The following ZNF804A variants were observed in gnomAD, a reference collection of about 807,000 sequenced individuals.
ZNF804A encodes the protein zinc finger protein 804A.
ZNF804A carries 2 observed loss-of-function variants against 16.5 expected under a neutral mutation model. The observed-to-expected ratio is 0.12, with a 90% CI of 0.05 to 0.38. The LOEUF is 0.38. ZNF804A is among the 10% of genes least tolerant of loss of function. The pLI, the probability that ZNF804A is intolerant of heterozygous loss-of-function variation, is 0.99. For synonymous variants in ZNF804A, 534 were observed against 489.6 expected (o/e 1.09, Z -1.20); for missense variants, 1,473 against 1,390.7 (o/e 1.06, Z -0.94).
chr2:184,807,628 A>G (rs182875356), intron 1 of ZNF804A, among the ~76,000 whole-genome samples: 1 of 151,958 alleles, frequency 6.6e-6, no homozygotes, highest in East Asian at 1.9e-4. Flanking sequence ...AAGAAAGCAA[A>G]TTTGACCTTG....
chr2:184,929,158 T>C (rs1180940553), intron 2 of ZNF804A, among the ~76,000 whole-genome samples: 1 of 152,222 alleles, frequency 6.6e-6, no homozygotes. Flanking sequence ...CACAGTTATC[T>C]AAATCTGGAG....
intron 1 of ZNF804A, among the ~76,000 whole-genome samples, chr2:184,630,403 T>C (rs1691586847): frequency 6.6e-6 from 1 of 152,084 alleles, no homozygotes; most frequent in South Asian, 2.1e-4. Flanking sequence ...CTCAACTAAA[T>C]CCTTCCTCCG....
At chr2:184,709,094 A>T (rs1251979800) in intron 1 of ZNF804A, among the ~76,000 whole-genome samples, 1 of 152,142 alleles carries the variant, frequency 6.6e-6, no homozygotes, top group Non-Finnish European at 1.5e-5. Context: ...TTCTTGAGGA[A>T]TACATCACCA....
In ZNF804A at chr2:184,717,701, A is replaced by G. The variant is rs72901819; in HGVS notation, c.111+118631A>G. On this transcript the variant is annotated intron_variant, in intron 1 of 3. Coordinates refer to ENST00000302277, the MANE Select transcript of ZNF804A (RefSeq NM_194250.2). ...TATTTTATTTTTATTGAGACATAAT[A>G]TTTGTGCATGTTTATGGAGTACATG... Among the ~76,000 whole-genome samples the G allele has an allele frequency of 9.8e-3, 1,495 of 152,306 alleles. 15 individuals are homozygous for G. Among genetic ancestry groups the G allele is most frequent in the Non-Finnish European group, 0.017 (1,127 of 68,022 alleles).
At chr2:184,839,761 GA>G (rs1695407104) in intron 1 of ZNF804A, among the ~76,000 whole-genome samples, 2 of 151,892 alleles carry the variant, frequency 1.3e-5, no homozygotes, top group South Asian at 2.1e-4. Flanking sequence ...AATTCCATAG[GA>G]AAAAATATAA....
intron 1 of ZNF804A, among the ~76,000 whole-genome samples, chr2:184,826,573 G>T (rs1016127263): frequency 6.6e-6 from 1 of 151,986 alleles, no homozygotes; most frequent in Non-Finnish European, 1.5e-5. Flanking sequence ...CAAACAAAAA[G>T]GGACATTTGT....
chr2:184,850,682 C>A (rs963287755), intron 1 of ZNF804A, among the ~76,000 whole-genome samples: 1 of 151,200 alleles, frequency 6.6e-6, no homozygotes, highest in East Asian at 1.9e-4. Context: ...AGCAAAGATG[C>A]TTTTTATCCT....
Position 184,938,737 on chromosome 2 carries a change from CTGCAGCCGCAGCTGCAGG to C in ZNF804A, c.3342_3359del (p.Ala1115_Gly1120del). ...CACGCTGCAGCTGCTGCAGCTGCAGCTGCAGCCGCAGCTGCAGGAACCTTTAAAGTGCTTCAGCCACAC... is the reference window on the plus strand; with the variant it reads ...CACGCTGCAGCTGCTGCAGCTGCAGCAACCTTTAAAGTGCTTCAGCCACAC... On this transcript the variant is annotated inframe_deletion, in exon 4 of 4. Transcript: ENST00000302277. The C allele has an allele frequency of 1.9e-6, 3 of 1,608,434 alleles. No homozygotes were observed. Among genetic ancestry groups the C allele is most frequent in the African/African-American group, 1.3e-5 (1 of 74,674 alleles).
At chr2:184,620,671 A>G (rs1317062914) in intron 1 of ZNF804A, among the ~76,000 whole-genome samples, 1 of 151,722 alleles carries the variant, frequency 6.6e-6, no homozygotes, top group African/African-American at 2.4e-5. Context: ...ACAGTATAAT[A>G]TTACAATAAG....
intron 1 of ZNF804A, among the ~76,000 whole-genome samples, chr2:184,814,559 T>C (rs1351741897): frequency 6.6e-6 from 1 of 152,070 alleles, no homozygotes; most frequent in African/African-American, 2.4e-5. Flanking sequence ...GTCTCCACAT[T>C]ATAGGAAATG....
chr2:184,895,960 T>C (rs1036154055), intron 2 of ZNF804A, among the ~76,000 whole-genome samples: 3 of 152,192 alleles, frequency 2.0e-5, no homozygotes, highest in African/African-American at 7.2e-5. Context: ...ATTAGAAATA[T>C]GTATGTTTTA....
intron 1 of ZNF804A, among the ~76,000 whole-genome samples, chr2:184,709,149 A>G (rs1693083395): frequency 6.6e-6 from 1 of 152,118 alleles, no homozygotes; most frequent in African/African-American, 2.4e-5. Flanking sequence ...GCAAGGACTT[A>G]AAGAGGGTTT....
chr2:184,612,451 G>A (rs373956095), intron 1 of ZNF804A, among the ~76,000 whole-genome samples: 2 of 120,958 alleles, frequency 1.7e-5, no homozygotes, highest in African/African-American at 7.4e-5. Context: ...TTTTTTTTTG[G>A]GGGGGGGACG....
At chr2:184,618,679 A>C (rs940824180) in intron 1 of ZNF804A, among the ~76,000 whole-genome samples, 3 of 152,014 alleles carry the variant, frequency 2.0e-5, no homozygotes, top group African/African-American at 7.2e-5. Context: ...AAAAATTCCT[A>C]GTTCTGAAAC....
intron 1 of ZNF804A, among the ~76,000 whole-genome samples, chr2:184,629,777 G>A (rs954066045): frequency 1.3e-5 from 2 of 152,106 alleles, no homozygotes; most frequent in Admixed American, 1.3e-4. Flanking sequence ...GGACTAAATA[G>A]AAAATGTCTT....
intron 1 of ZNF804A, among the ~76,000 whole-genome samples, chr2:184,725,560 T>C (rs1011773127): frequency 2.0e-5 from 3 of 151,696 alleles, no homozygotes; most frequent in African/African-American, 7.2e-5. Context: ...GCAAAAATAG[T>C]ACTGAGAGGT....
At chr2:184,662,829 C>G (rs560406744) in intron 1 of ZNF804A, among the ~76,000 whole-genome samples, 1 of 152,280 alleles carries the variant, frequency 6.6e-6, no homozygotes, top group South Asian at 2.1e-4. Flanking sequence ...AACCTTGAGA[C>G]TACCCTTTAT....
At chr2:184,894,066 G>A (rs996621496) in intron 2 of ZNF804A, among the ~76,000 whole-genome samples, 1 of 151,878 alleles carries the variant, frequency 6.6e-6, no homozygotes, top group African/African-American at 2.4e-5. Flanking sequence ...CTCTGTTTGA[G>A]AACAACAATG....
chr2:184,691,441 T>A (rs1574164777), intron 1 of ZNF804A, among the ~76,000 whole-genome samples: 1 of 151,668 alleles, frequency 6.6e-6, no homozygotes, highest in East Asian at 1.9e-4. Flanking sequence ...TAAATGTTGA[T>A]AATTATACAA....
Sources: allele counts gnomAD v4.1 joint callset (sites outside exome capture counted in the v4.1 genomes callset), GRCh38; gene constraint gnomAD v4.1.1; transcripts MANE v1.5; gene names NCBI Gene and HGNC (gene_info 2026-07-23, HGNC 2026-07-21).